Variants in PLCG2 observed in about 807,000 individuals in gnomAD.
PLCG2 encodes the protein 1-phosphatidylinositol 4,5-bisphosphate phosphodiesterase gamma-2.
A neutral mutation model predicts 175.6 loss-of-function variants in PLCG2; 69 were observed. The ratio of observed to expected loss-of-function variants is 0.39; its 90% confidence interval spans 0.32 to 0.48. The LOEUF is 0.48. Among genes scored for constraint, PLCG2 ranks in the 20% least tolerant of loss-of-function variants. The pLI is 0.91. For synonymous variants in PLCG2, 827 were observed against 624.0 expected (o/e 1.33, Z -4.85); for missense variants, 1,798 against 1,650.9 (o/e 1.09, Z -1.54).
At chr16:81,800,372 T>G (rs1269340032) in intron 2 of PLCG2, among the ~76,000 whole-genome samples, 3 of 152,170 alleles carry the variant, frequency 2.0e-5, no homozygotes, top group Non-Finnish European at 4.4e-5. Context: ...ATCCTTACCC[T>G]GCTCCCCAAC....
intron 5 of PLCG2, among the ~76,000 whole-genome samples, chr16:81,861,135 C>T (rs1447749158): frequency 6.6e-6 from 1 of 152,166 alleles, no homozygotes; most frequent in Non-Finnish European, 1.5e-5. Context: ...GCTCTTCAGT[C>T]CTTGTCTCAT....
At chr16:81,910,743 G>C in intron 18 of PLCG2, 23 bp downstream of exon 18, 1 of 1,598,282 alleles carries the variant, frequency 6.3e-7, no homozygotes, top group Admixed American at 1.7e-5. Flanking sequence ...GGGTGGAGCA[G>C]GAGGCAGGCG....
In PLCG2 at chr16:81,893,760, C is replaced by T. The variant is rs757017767; in HGVS notation, c.1038C>T (p.Ile346=). The T allele has an allele frequency of 2.5e-6, 4 of 1,612,562 alleles. No homozygotes were observed. The highest frequency in any genetic ancestry group is 2.2e-5 in the East Asian group (1 of 44,868). The change falls in exon 12 of 33, where the codon ATC becomes ATT. Residue 346 remains isoleucine (I), a synonymous_variant. Coordinates refer to ENST00000564138, the MANE Select transcript of PLCG2 (RefSeq NM_002661.5). ...LRSESSPEAY[I]RCLRMGCRCI... ...GCGAGTCGTCCCCAGAAGCTTACAT[C>T]CGCTGCCTGCGCATGGGCTGTCGCT...
chr16:81,912,454 G>T, intron 18 of PLCG2, 143 bp from the exon 19 acceptor site: 1 of 966,590 alleles, frequency 1.0e-6, no homozygotes, highest in Non-Finnish European at 1.5e-6. Flanking sequence ...CTTTGTCTGG[G>T]GAAGCCCACT....
At chr16:81,941,907 T>G (rs1325226222) in intron 30 of PLCG2, among the ~76,000 whole-genome samples, 1 of 152,108 alleles carries the variant, frequency 6.6e-6, no homozygotes. Flanking sequence ...ATTAAAGGAG[T>G]GAACCACTGT....
intron 30 of PLCG2, among the ~76,000 whole-genome samples, chr16:81,942,832 C>A (rs1337344772): frequency 6.6e-6 from 1 of 150,908 alleles, no homozygotes; most frequent in East Asian, 1.9e-4. Flanking sequence ...GTGCTCAAAG[C>A]CAGATGCATT....
intron 2 of PLCG2, among the ~76,000 whole-genome samples, chr16:81,764,601 T>C (rs1421904179): frequency 4.6e-5 from 7 of 152,242 alleles, no homozygotes; most frequent in Admixed American, 2.0e-4. Flanking sequence ...GGCTGAACAC[T>C]GGCCATCCCA....
upstream of PLCG2, among the ~76,000 whole-genome samples, chr16:81,778,768 T>C (rs575642644): frequency 6.6e-6 from 1 of 152,244 alleles, no homozygotes; most frequent in Non-Finnish European, 1.5e-5. Flanking sequence ...GGGCCATGAA[T>C]TGGCAATTCC....
chr16:81,814,613 T>G (rs1904456797), intron 2 of PLCG2, among the ~76,000 whole-genome samples: 1 of 152,026 alleles, frequency 6.6e-6, no homozygotes, highest in South Asian at 2.1e-4. Context: ...GAGAATCACT[T>G]GAACCCGGGA....
intron 25 of PLCG2, among the ~76,000 whole-genome samples, chr16:81,933,254 A>G (rs1430578486): frequency 1.3e-5 from 2 of 152,222 alleles, no homozygotes; most frequent in South Asian, 2.1e-4. Context: ...CTGGGACAGT[A>G]GAGTTGACGG....
chr16:81,961,432 G>T lies in PLCG2; in HGVS notation c.*3434G>T. 1 of 226,364 alleles carries T rather than the reference G, an allele frequency of 4.4e-6. No individual in the cohort carries two copies. The allele number at this position is 226,364 out of a possible 1,614,324, so 14.0% of individuals were successfully genotyped here. A position where few individuals can be genotyped will look rare whatever the true frequency, so the allele number is the denominator to read the frequency against. On this transcript the variant is annotated 3_prime_UTR_variant, in exon 33 of 33. Transcript: ENST00000564138. ...TAATTTAGTGAAATTTGGGCTATGT[G>T]TTTATTGATTCAGCTCAATCCAGAG...
chr16:81,760,258 G>C (rs1445017057), intron 2 of PLCG2, among the ~76,000 whole-genome samples: 1 of 152,188 alleles, frequency 6.6e-6, no homozygotes, highest in Non-Finnish European at 1.5e-5. Context: ...GGGATTGCTC[G>C]AGTAGAGCAG....
At chr16:81,896,034 G>T in intron 13 of PLCG2, 107 bp downstream of exon 13, 2 of 1,397,298 alleles carry the variant, frequency 1.4e-6, no homozygotes, top group Non-Finnish European at 2.0e-6. Context: ...CCCTCCAAAT[G>T]CGGGAAGGCC....
Position 81,960,719 on chromosome 16 carries a change from T to C in PLCG2, c.*2721T>C, listed in dbSNP as rs541078293. Reference sequence around the variant, plus strand: ...ATTAAGAAGGCAGCCGGACAACATGTTCTAATACTTCGTATGCTTTGTGAC... The same window carrying C: ...ATTAAGAAGGCAGCCGGACAACATGCTCTAATACTTCGTATGCTTTGTGAC... On this transcript the variant is annotated 3_prime_UTR_variant, in exon 33 of 33. Coordinates refer to ENST00000564138, the MANE Select transcript of PLCG2 (RefSeq NM_002661.5). 4 of 229,014 alleles carry C rather than the reference T, an allele frequency of 1.7e-5. No individual in the cohort carries two copies. In the East Asian group the frequency reaches 2.5e-4, roughly 14 times the overall value. 14.2% of individuals were successfully genotyped at this position (229,014 alleles called of 1,614,324 possible). A position where few individuals can be genotyped will look rare whatever the true frequency, so the allele number is the denominator to read the frequency against.
chr16:81,953,761 T>C (rs1291709951), intron 31 of PLCG2, among the ~76,000 whole-genome samples: 1 of 152,210 alleles, frequency 6.6e-6, no homozygotes, highest in Non-Finnish European at 1.5e-5. Flanking sequence ...CGTTCTTTTC[T>C]GAATGTGCAT....
intron 31 of PLCG2, among the ~76,000 whole-genome samples, chr16:81,955,184 C>T (rs1911519358): frequency 6.6e-6 from 1 of 152,136 alleles, no homozygotes; most frequent in Non-Finnish European, 1.5e-5. Context: ...ATCTTCTGTC[C>T]CCCTTCTCCA....
intron 1 of PLCG2, among the ~76,000 whole-genome samples, chr16:81,782,521 C>G (rs891324119): frequency 6.6e-6 from 1 of 152,196 alleles, no homozygotes; most frequent in African/African-American, 2.4e-5. Flanking sequence ...ACGCTGGAGA[C>G]CTGAGCTGGG....
chr16:81,807,735 T>G (rs751695907), intron 2 of PLCG2, among the ~76,000 whole-genome samples: 1 of 152,172 alleles, frequency 6.6e-6, no homozygotes, highest in African/African-American at 2.4e-5. Flanking sequence ...GGAAAGAGGT[T>G]TAATTGACTC....
chr16:81,769,782 T>A (rs978242197), intron 2 of PLCG2, among the ~76,000 whole-genome samples: 1 of 122,468 alleles, frequency 8.2e-6, no homozygotes, highest in Non-Finnish European at 1.6e-5. Flanking sequence ...ATCCCGCCAC[T>A]GCACTCCAGC....
Sources: allele counts gnomAD v4.1 joint callset (sites outside exome capture counted in the v4.1 genomes callset), GRCh38; gene constraint gnomAD v4.1.1; transcripts MANE v1.5; gene names NCBI Gene and HGNC (gene_info 2026-07-23, HGNC 2026-07-21).